HACE1: variants seen among roughly 807,000 people sequenced by gnomAD.
The protein encoded by HACE1 is E3 ubiquitin-protein ligase HACE1.
HACE1 carries 73 observed loss-of-function variants against 118.4 expected under a neutral mutation model. The ratio of observed to expected loss-of-function variants is 0.62; its 90% CI spans 0.51 to 0.75. The LOEUF (loss-of-function observed/expected upper bound fraction) is 0.75, where lower values mean the gene tolerates loss of function less well. HACE1 is among the 30% of genes least tolerant of loss of function. The pLI, the probability that HACE1 is intolerant of heterozygous loss-of-function variation, is 0.00. For synonymous variants in HACE1, 368 were observed against 374.8 expected (o/e 0.98, Z 0.21); for missense variants, 749 against 1,102.2 (o/e 0.68, Z 4.54).
chr6:104,744,947 T>G (rs1011223516), intron 20 of HACE1, among the ~76,000 whole-genome samples: 1 of 152,202 alleles, frequency 6.6e-6, no homozygotes, highest in Non-Finnish European at 1.5e-5. Flanking sequence ...CTTTATATTT[T>G]TACAATTCTT....
intron 6 of HACE1, among the ~76,000 whole-genome samples, chr6:104,831,986 G>GAGAAGAGAAGAGAA (rs1562471327): frequency 2.7e-5 from 1 of 37,406 alleles, no homozygotes; most frequent in Non-Finnish European, 7.1e-5. Context: ...AAGAGAGGAA[G>GAGAAGAGAAGAGAA]GAAGGAAGGA....
chr6:104,788,069 T>C (rs1347564496), intron 11 of HACE1, among the ~76,000 whole-genome samples: 3 of 152,134 alleles, frequency 2.0e-5, no homozygotes, highest in Admixed American at 6.5e-5. Flanking sequence ...AAAAGAATAC[T>C]ATGAAAATAA....
At chr6:104,782,414 G>C (rs893956126) in intron 14 of HACE1, 3 of 152,226 alleles carry the variant, frequency 2.0e-5, no homozygotes, top group Non-Finnish European at 2.9e-5. Flanking sequence ...CTTCAGCCCA[G>C]GAGGCAGACG....
chr6:104,752,535 C>T (rs1340533430), intron 19 of HACE1, among the ~76,000 whole-genome samples: 1 of 151,792 alleles, frequency 6.6e-6, no homozygotes, highest in Non-Finnish European at 1.5e-5. Flanking sequence ...GAGACTTTTT[C>T]CCAAGAGGTT....
chr6:104,753,815 T>A (rs554968656), intron 19 of HACE1, among the ~76,000 whole-genome samples: 36 of 152,176 alleles, frequency 2.4e-4, no homozygotes, highest in Admixed American at 8.5e-4. Context: ...AACACAAAAA[T>A]GCTGAAAACT....
chr6:104,806,228 T>TAG (rs1185038338), intron 7 of HACE1, among the ~76,000 whole-genome samples: 2 of 152,144 alleles, frequency 1.3e-5, no homozygotes, highest in African/African-American at 4.8e-5. Context: ...TTGGGAGGCT[T>TAG]AGACTGGAGA....
intron 6 of HACE1, among the ~76,000 whole-genome samples, chr6:104,830,308 A>G (rs1332322040): frequency 6.6e-6 from 1 of 152,216 alleles, no homozygotes; most frequent in Non-Finnish European, 1.5e-5. Flanking sequence ...AATACGTTTT[A>G]AATTTAATAA....
chr6:104,806,045 A>G (rs772593100), intron 7 of HACE1, among the ~76,000 whole-genome samples: 1 of 152,182 alleles, frequency 6.6e-6, no homozygotes, highest in Non-Finnish European at 1.5e-5. Context: ...TGTACCATAT[A>G]TAACAAAAAA....
intron 14 of HACE1, among the ~76,000 whole-genome samples, chr6:104,777,974 G>C (rs372354003): frequency 6.9e-4 from 105 of 152,256 alleles, no homozygotes; most frequent in African/African-American, 2.3e-3. Flanking sequence ...AGCCAGGCTG[G>C]TTTCGAACTC....
intron 6 of HACE1, among the ~76,000 whole-genome samples, chr6:104,820,194 CAAA>C (rs60172674): frequency 1.7e-5 from 1 of 58,876 alleles, no homozygotes; most frequent in Non-Finnish European, 3.9e-5. Flanking sequence ...GACTCCGTCT[CAAA>C]AAAAAAAAAA....
In HACE1 at chr6:104,734,142, C is replaced by CAAA. The variant is rs11370746; in HGVS notation, c.2514-3729_2514-3727dup. Among the ~76,000 whole-genome samples, 62 of 87,080 alleles carry CAAA rather than the reference C, an allele frequency of 7.1e-4. 1 individual carries two copies. Among genetic ancestry groups the CAAA allele is most frequent in the East Asian group, 5.3e-3 (15 of 2,824 alleles). 57.1% of individuals were successfully genotyped at this position (87,080 alleles called of 152,430 possible). A position where few individuals can be genotyped will look rare whatever the true frequency, so the allele number is the denominator to read the frequency against. On this transcript the variant is annotated intron_variant, in intron 22 of 23. Transcript: ENST00000262903. ...TGAGAAACAGAGCAAGACTCTTCCT[C>CAAA]AAAAAAAAAAAAAAAAAAAAGAAAT...
At chr6:104,822,249 G>A (rs1772823755) in intron 6 of HACE1, among the ~76,000 whole-genome samples, 1 of 151,030 alleles carries the variant, frequency 6.6e-6, no homozygotes, top group Non-Finnish European at 1.5e-5. Context: ...CAGGCGTGGT[G>A]GCAGGAGCCT....
chr6:104,790,329 G>C (rs1436906559), intron 11 of HACE1, among the ~76,000 whole-genome samples: 1 of 152,164 alleles, frequency 6.6e-6, no homozygotes, highest in Non-Finnish European at 1.5e-5. Context: ...TAGAACACTA[G>C]TTTAGCTTTG....
chr6:104,831,602 A>G (rs1181712563), intron 6 of HACE1, among the ~76,000 whole-genome samples: 2 of 133,322 alleles, frequency 1.5e-5, no homozygotes, highest in Non-Finnish European at 3.2e-5. Context: ...AAAAGAAAAG[A>G]AAAGAAAGAG....
intron 7 of HACE1, among the ~76,000 whole-genome samples, chr6:104,807,335 CTT>C (rs933629499): frequency 2.8e-4 from 43 of 152,162 alleles, no homozygotes; most frequent in African/African-American, 8.4e-4. Context: ...TCTAAGAACT[CTT>C]TTATATGGCT....
intron 20 of HACE1, among the ~76,000 whole-genome samples, chr6:104,748,968 T>C (rs1777747409): frequency 1.3e-5 from 2 of 152,178 alleles, no homozygotes; most frequent in Admixed American, 6.5e-5. Flanking sequence ...GTTTCATGGG[T>C]ATGTTCAGTT....
chr6:104,755,647 C>T (rs1233276295), intron 19 of HACE1, among the ~76,000 whole-genome samples: 1 of 152,178 alleles, frequency 6.6e-6, no homozygotes, highest in Non-Finnish European at 1.5e-5. Context: ...CACACAACTA[C>T]ATAGAAATTG....
chr6:104,739,885 C>T (rs1384228331), intron 22 of HACE1, among the ~76,000 whole-genome samples: 3 of 152,232 alleles, frequency 2.0e-5, no homozygotes, highest in East Asian at 1.9e-4. Flanking sequence ...CACCACACTA[C>T]ACCTATTCCA....
At chr6:104,785,567 G>C in intron 11 of HACE1, 1 of 398,080 alleles carries the variant, frequency 2.5e-6, no homozygotes, top group East Asian at 4.9e-5. Flanking sequence ...GTAATAAAAA[G>C]GAAAAACTAA....
Sources: allele counts gnomAD v4.1 joint callset (sites outside exome capture counted in the v4.1 genomes callset), GRCh38; gene constraint gnomAD v4.1.1; transcripts MANE v1.5; gene names NCBI Gene and HGNC (gene_info 2026-07-23, HGNC 2026-07-21).